The following SERGEF variants were observed in gnomAD, a reference collection of about 807,000 sequenced individuals.
SERGEF encodes the protein secretion-regulating guanine nucleotide exchange factor.
SERGEF carries 51 observed loss-of-function variants against 50.0 expected under a neutral mutation model. The observed-to-expected ratio is 1.02, with a 90% CI of 0.81 to 1.29. The LOEUF is 1.29. Among genes scored for constraint, SERGEF ranks in the 50% most tolerant of loss-of-function variants. The pLI is 0.00. For synonymous variants in SERGEF, 205 were observed against 212.4 expected, an observed-to-expected ratio of 0.97 and a Z score of 0.30; for missense variants, 521 against 557.0, an observed-to-expected ratio of 0.94 and a Z score of 0.65.
chr11:17,862,462 A>G (rs1850943266), intron 10 of SERGEF, among the ~76,000 whole-genome samples: 1 of 152,214 alleles, frequency 6.6e-6, no homozygotes, highest in Admixed American at 6.5e-5. Context: ...TACTCTTCCT[A>G]TTGCATGGTA....
intron 8 of SERGEF, among the ~76,000 whole-genome samples, chr11:17,967,056 G>A (rs1477277877): frequency 6.6e-6 from 1 of 152,166 alleles, no homozygotes; most frequent in East Asian, 1.9e-4. Context: ...AATATTTTGA[G>A]GGCTATTTCA....
chr11:17,893,256 A>G (rs1252670717), intron 9 of SERGEF, among the ~76,000 whole-genome samples: 2 of 152,232 alleles, frequency 1.3e-5, no homozygotes, highest in Admixed American at 1.3e-4. Context: ...GCTCATGGAC[A>G]TTAAAAGCCT....
At chr11:17,789,706 T>C (rs1351109531) in intron 10 of SERGEF, among the ~76,000 whole-genome samples, 1 of 152,238 alleles carries the variant, frequency 6.6e-6, no homozygotes, top group Non-Finnish European at 1.5e-5. Context: ...TAGGAATATT[T>C]TGGATATCTC....
intron 10 of SERGEF, among the ~76,000 whole-genome samples, chr11:17,843,921 C>A (rs1195251853): frequency 6.6e-6 from 1 of 152,210 alleles, no homozygotes; most frequent in African/African-American, 2.4e-5. Flanking sequence ...TACTCAAAAC[C>A]TGGCTACATC....
chr11:17,900,677 T>C (rs570506313), intron 9 of SERGEF, among the ~76,000 whole-genome samples: 1 of 152,316 alleles, frequency 6.6e-6, no homozygotes, highest in South Asian at 2.1e-4. Context: ...TAAACGTTCA[T>C]ACAAACATGA....
At chr11:17,866,137 G>A (rs1484301561) in intron 10 of SERGEF, among the ~76,000 whole-genome samples, 1 of 152,174 alleles carries the variant, frequency 6.6e-6, no homozygotes, top group Non-Finnish European at 1.5e-5. Flanking sequence ...GCAACCACTT[G>A]AGAAAGCCCC....
At chr11:17,912,089 G>A (rs1230253871) in intron 9 of SERGEF, among the ~76,000 whole-genome samples, 2 of 152,112 alleles carry the variant, frequency 1.3e-5, no homozygotes, top group African/African-American at 2.4e-5. Context: ...ATCCAAGAGG[G>A]AGAAACAAAA....
At chr11:17,958,497 T>C (rs1402355903) in intron 9 of SERGEF, among the ~76,000 whole-genome samples, 3 of 152,180 alleles carry the variant, frequency 2.0e-5, no homozygotes, top group Non-Finnish European at 4.4e-5. Context: ...GCCTTAAATG[T>C]AGAAATTCAA....
intron 10 of SERGEF, among the ~76,000 whole-genome samples, chr11:17,795,290 A>G (rs1474273884): frequency 1.3e-5 from 2 of 152,196 alleles, no homozygotes; most frequent in Admixed American, 6.5e-5. Context: ...AGCAACTGGT[A>G]GAACTGTCCC....
At chr11:17,806,089 C>G (rs1243716155) in intron 10 of SERGEF, among the ~76,000 whole-genome samples, 4 of 152,192 alleles carry the variant, frequency 2.6e-5, no homozygotes, top group Non-Finnish European at 5.9e-5. Context: ...AGACTGTAAG[C>G]TTGGCCTGGC....
At chr11:17,972,578 C>T (rs1450659928) in intron 8 of SERGEF, among the ~76,000 whole-genome samples, 1 of 152,134 alleles carries the variant, frequency 6.6e-6, no homozygotes, top group Non-Finnish European at 1.5e-5. Flanking sequence ...GTATAGTATA[C>T]AGTATAGTAT....
chr11:17,941,776 T>C (rs1852566843), intron 9 of SERGEF, among the ~76,000 whole-genome samples: 1 of 152,186 alleles, frequency 6.6e-6, no homozygotes, highest in Admixed American at 6.5e-5. Flanking sequence ...CCAATTTCTC[T>C]ACATTCTGGC....
intron 9 of SERGEF, among the ~76,000 whole-genome samples, chr11:17,916,521 T>C (rs1852051201): frequency 6.6e-6 from 1 of 152,328 alleles, no homozygotes; most frequent in African/African-American, 2.4e-5. Flanking sequence ...CCTGGAAATC[T>C]GTATTTTTAG....
intron 10 of SERGEF, among the ~76,000 whole-genome samples, chr11:17,830,124 C>A (rs905488850): frequency 6.6e-6 from 1 of 152,214 alleles, no homozygotes; most frequent in African/African-American, 2.4e-5. Context: ...CTCTACCCAT[C>A]CTGGGGCCAG....
chr11:17,984,601 A>G (rs1409599283), intron 8 of SERGEF, among the ~76,000 whole-genome samples: 1 of 152,198 alleles, frequency 6.6e-6, no homozygotes, highest in Non-Finnish European at 1.5e-5. Context: ...AGGAGTAAAT[A>G]TGGGAAGACC....
In SERGEF at chr11:17,871,999, A is replaced by G. The variant is rs1291717666; in HGVS notation, c.1048+6209T>C. 2.0e-5 allele frequency among the ~76,000 whole-genome samples: 3 copies of G among 152,348 alleles called. No homozygotes were observed. In the East Asian group the frequency reaches 5.8e-4, roughly 29 times the overall value. The stretch of plus-strand genomic sequence containing the variant: ...AATGTACGTAGCATCCCCAAACTAG[A>G]AACAACCCAAATGTTCAACAGTTAA... On this transcript the variant is annotated intron_variant, in intron 10 of 10. Coordinates refer to ENST00000265965, the MANE Select transcript of SERGEF (RefSeq NM_012139.4).
intron 1 of SERGEF, 161 bp downstream of exon 1, chr11:18,012,790 C>CAA: frequency 4.1e-6 from 5 of 1,211,612 alleles, no homozygotes; most frequent in Non-Finnish European, 5.7e-6. Context: ...CCCGCCCGCT[C>CAA]CTCCTCCGCT....
chr11:17,966,003 A>T lies in SERGEF; in HGVS notation c.845-6367T>A, dbSNP rs115519511. Among the ~76,000 whole-genome samples, 881 of 152,330 alleles carry T rather than the reference A, an allele frequency of 5.8e-3. 9 individuals are homozygous for T. Among genetic ancestry groups the T allele is most frequent in the African/African-American group, 0.02 (834 of 41,568 alleles). ...ACTATTCTCCCAAACTGAACAACAC[A>T]GCCTTATTAAGGATTTCCATGGTTC... On this transcript the variant is annotated intron_variant, in intron 8 of 10. Coordinates refer to ENST00000265965, the MANE Select transcript of SERGEF (RefSeq NM_012139.4).
intron 9 of SERGEF, chr11:17,918,641 C>CACACACACAT (rs1409766882): frequency 2.7e-5 from 11 of 409,532 alleles, no homozygotes; most frequent in Admixed American, 2.5e-4. Flanking sequence ...CACACACACA[C>CACACACACAT]ACACACACAC....
Sources: allele counts gnomAD v4.1 joint callset (sites outside exome capture counted in the v4.1 genomes callset), GRCh38; gene constraint gnomAD v4.1.1; transcripts MANE v1.5; gene names NCBI Gene and HGNC (gene_info 2026-07-23, HGNC 2026-07-21).